LOC730098: variants seen among roughly 807,000 people sequenced by gnomAD.
At chr9:34,665,923 C>A in the LOC730098 span, 1 of 551,212 alleles carries the variant, frequency 1.8e-6, no homozygotes, top group South Asian at 2.2e-5. Context: ...GTTTGGCGGT[C>A]ATGGGGCTGG....
the LOC730098 span, chr9:34,665,702 T>C: frequency 2.9e-6 from 2 of 700,636 alleles, no homozygotes; most frequent in Non-Finnish European, 5.2e-6. Flanking sequence ...CATGATTGAA[T>C]CAGGGATTCC....
At chr9:34,666,003 G>C in the LOC730098 span, 4 of 388,278 alleles carry the variant, frequency 1.0e-5, no homozygotes, top group African/African-American at 8.3e-5. Flanking sequence ...AGAGGGGTCA[G>C]CGCAGCCTAA....
At chr9:34,664,850 T>TG in the LOC730098 span, 2 of 415,924 alleles carry the variant, frequency 4.8e-6, no homozygotes, top group African/African-American at 4.1e-5. Flanking sequence ...GGGTTGGGAT[T>TG]GGGGGAGACA....
the LOC730098 span, chr9:34,665,527 T>TTCC: frequency 2.9e-6 from 2 of 689,526 alleles, no homozygotes; most frequent in South Asian, 1.5e-5. Context: ...AGGCTCGCCC[T>TTCC]GCCCACCCCT....
chr9:34,665,286 C>A, the LOC730098 span: 3 of 702,040 alleles, frequency 4.3e-6, no homozygotes, highest in Non-Finnish European at 7.8e-6. Context: ...ATGCCCGGGG[C>A]GGGTCCGCGG....
the LOC730098 span, chr9:34,665,075 G>A: frequency 3.3e-6 from 2 of 601,434 alleles, no homozygotes; most frequent in Non-Finnish European, 5.9e-6. Flanking sequence ...GCGGCGGTGG[G>A]GCTGCGGCGG....
At chr9:34,665,528 G>GCCC in the LOC730098 span, 4 of 679,826 alleles carry the variant, frequency 5.9e-6, no homozygotes, top group Admixed American at 2.2e-5. Context: ...GGCTCGCCCT[G>GCCC]CCCACCCCTC....
the LOC730098 span, chr9:34,664,244 CAA>C: frequency 2.0e-5 from 3 of 152,304 alleles, no homozygotes; most frequent in Non-Finnish European, 4.4e-5. Context: ...AGGCAGAAAA[CAA>C]ATGCTTTTGG....
At chr9:34,665,851 T>G in the LOC730098 span, 1 of 599,756 alleles carries the variant, frequency 1.7e-6, no homozygotes, top group Non-Finnish European at 3.0e-6. Context: ...GCACTGGAAG[T>G]TAAGGGGTGA....
chr9:34,665,989 G>T, the LOC730098 span: 2 of 428,832 alleles, frequency 4.7e-6, no homozygotes, highest in Non-Finnish European at 8.5e-6. Context: ...TGGAGGGGGG[G>T]CTGAGAGGGG....
At chr9:34,665,541 C>T in the LOC730098 span, 8 of 696,058 alleles carry the variant, frequency 1.1e-5, no homozygotes, top group South Asian at 6.0e-5. Context: ...CACCCCTCGC[C>T]CCCGCAGAAC....
the LOC730098 span, chr9:34,665,589 T>C: frequency 1.6e-4 from 93 of 570,220 alleles, no homozygotes; most frequent in Non-Finnish European, 2.3e-4. Context: ...TGGTTCCTCC[T>C]CCGCAGAACC....
chr9:34,665,292 C>G, the LOC730098 span: 1 of 702,154 alleles, frequency 1.4e-6, no homozygotes, highest in Non-Finnish European at 2.6e-6. Flanking sequence ...GGGGCGGGTC[C>G]GCGGTATCGC....
the LOC730098 span, chr9:34,665,985 G>T: frequency 7.7e-3 from 3,393 of 441,576 alleles, 15 homozygotes; most frequent in Non-Finnish European, 0.011. Context: ...CACCTGGAGG[G>T]GGGGCTGAGA....
the LOC730098 span, chr9:34,664,968 A>C: frequency 1.8e-6 from 1 of 553,396 alleles, no homozygotes; most frequent in East Asian, 3.0e-5. Flanking sequence ...CCGTGTGGGG[A>C]GGGGCGCTCG....
the LOC730098 span, chr9:34,665,979 T>G: frequency 2.3e-6 from 1 of 432,138 alleles, no homozygotes; most frequent in Non-Finnish European, 4.2e-6. Context: ...TGGGGTCACC[T>G]GGAGGGGGGG....
At chr9:34,664,788 G>A in the LOC730098 span, 2 of 389,704 alleles carry the variant, frequency 5.1e-6, no homozygotes, top group Non-Finnish European at 9.1e-6. Context: ...GGAGTAACAG[G>A]CAGGATTATT....
chr9:34,664,852 G>C, the LOC730098 span: 7 of 417,510 alleles, frequency 1.7e-5, no homozygotes, highest in Non-Finnish European at 2.5e-5. Flanking sequence ...GTTGGGATTG[G>C]GGGAGACAGC....
the LOC730098 span, chr9:34,665,512 C>A: frequency 1.4e-6 from 1 of 699,342 alleles, no homozygotes; most frequent in South Asian, 1.5e-5. Flanking sequence ...GCCCACGCCC[C>A]TGGGAGGCTC....
Sources: gnomAD v4.1 joint callset for allele counts on GRCh38, gnomAD v4.1.1 for gene constraint, MANE v1.5 for transcripts.